AVEN: variants seen among roughly 807,000 people sequenced by gnomAD.
AVEN encodes apoptosis and caspase activation inhibitor, also known as cell death regulator Aven.
In AVEN, 41 loss-of-function variants were observed where a neutral mutation model predicts 38.1. The observed-to-expected ratio is 1.08, with a 90% CI of 0.84 to 1.40. The LOEUF is 1.40. Among genes scored for constraint, AVEN ranks in the 40% most tolerant of loss-of-function variants. The pLI, the probability that AVEN is intolerant of heterozygous loss-of-function variation, is 0.00. For missense variants in AVEN, 605 were observed against 438.8 expected (o/e 1.38, Z -3.38); for synonymous variants, 206 against 171.8 (o/e 1.20, Z -1.56).
chr15:34,068,812 A>ACTT (rs750452283), intron 2 of AVEN, among the ~76,000 whole-genome samples: 1 of 24,726 alleles, frequency 4.0e-5, no homozygotes, highest in Non-Finnish European at 7.6e-5. Context: ...CCTACAATCC[A>ACTT]ATTTTTTTTT....
chr15:34,061,932 C>A (rs912545312), intron 5 of AVEN, among the ~76,000 whole-genome samples: 26 of 152,160 alleles, frequency 1.7e-4, no homozygotes, highest in Non-Finnish European at 3.7e-4. Context: ...CAGTGCATGA[C>A]GATTTAGGTA....
intron 11 of AVEN, among the ~76,000 whole-genome samples, chr15:33,860,895 G>C (rs551706492): frequency 6.6e-6 from 1 of 151,964 alleles, no homozygotes; most frequent in Admixed American, 6.6e-5. Flanking sequence ...CAGGAGCTAA[G>C]TGTATGGCAC....
At chr15:34,032,023 G>A (rs72718685) in intron 1 of AVEN, among the ~76,000 whole-genome samples, 256 of 149,020 alleles carry the variant, frequency 1.7e-3, no homozygotes, top group African/African-American at 5.5e-3. Context: ...GCGCGCACAC[G>A]CACACACACA....
chr15:33,918,934 T>TTC (rs1893278712), intron 2 of AVEN, among the ~76,000 whole-genome samples: 1 of 151,248 alleles, frequency 6.6e-6, no homozygotes, highest in Non-Finnish European at 1.5e-5. Context: ...GTTTTTTTTT[T>TTC]TTTTGAAATG....
intron 2 of AVEN, among the ~76,000 whole-genome samples, chr15:33,918,626 G>C (rs565712840): frequency 2.8e-4 from 42 of 151,610 alleles, no homozygotes; most frequent in African/African-American, 1.0e-3. Context: ...CTAATTTTTT[G>C]TATTTTTAGC....
chr15:33,945,506 C>T (rs906229981), intron 2 of AVEN, among the ~76,000 whole-genome samples: 1 of 152,202 alleles, frequency 6.6e-6, no homozygotes. Flanking sequence ...TAATGGTTCA[C>T]AGAGCCTTCA....
intron 2 of AVEN, among the ~76,000 whole-genome samples, chr15:33,926,655 C>T (rs966503356): frequency 9.2e-5 from 14 of 152,156 alleles, no homozygotes; most frequent in African/African-American, 3.4e-4. Context: ...TACAAAAAAA[C>T]TTAGAAATTA....
chr15:34,039,052 C>T lies in AVEN; in HGVS notation c.-6G>A. 3 of 1,102,822 alleles carry T rather than the reference C, an allele frequency of 2.7e-6. No homozygotes were observed. The highest frequency in any genetic ancestry group is 5.7e-5 in the East Asian group (1 of 17,474). 68.3% of individuals were successfully genotyped at this position (1,102,822 alleles called of 1,614,324 possible). On this transcript the variant is annotated 5_prime_UTR_variant, in exon 1 of 6. Coordinates refer to ENST00000306730, the MANE Select transcript of AVEN (RefSeq NM_020371.3). ...GCTCCTCGCTCCGCCTGCATCTGGCCGCCGCTGGCGGTGCTGAGCGCGCGG... is the reference window on the plus strand; with the variant it reads ...GCTCCTCGCTCCGCCTGCATCTGGCTGCCGCTGGCGGTGCTGAGCGCGCGG...
intron 2 of AVEN, among the ~76,000 whole-genome samples, chr15:33,915,282 C>G (rs561795260): frequency 7.9e-5 from 12 of 152,116 alleles, no homozygotes; most frequent in African/African-American, 2.4e-4. Context: ...TCCACAGACT[C>G]TTTGAAGGAA....
At chr15:33,947,809 G>C (rs1453795169) in intron 2 of AVEN, among the ~76,000 whole-genome samples, 1 of 152,088 alleles carries the variant, frequency 6.6e-6, no homozygotes, top group Non-Finnish European at 1.5e-5. Flanking sequence ...CAATTTAACT[G>C]AGTGGTATCA....
chr15:34,038,566 G>C (rs1899269658), intron 1 of AVEN, among the ~76,000 whole-genome samples: 1 of 151,548 alleles, frequency 6.6e-6, no homozygotes, highest in African/African-American at 2.4e-5. Flanking sequence ...GCGCCAGCCC[G>C]GCCAGGAGGC....
chr15:33,975,049 C>T (rs893171955), intron 2 of AVEN, among the ~76,000 whole-genome samples: 1 of 152,118 alleles, frequency 6.6e-6, no homozygotes, highest in Non-Finnish European at 1.5e-5. Flanking sequence ...TTTCAAACAC[C>T]ATCTTAGATA....
chr15:33,866,732 G>C lies in AVEN; in HGVS notation c.974-4C>G. 6.2e-7 allele frequency: 1 copy of C among 1,604,332 alleles called. No individual in the cohort carries two copies. The highest frequency in any genetic ancestry group is 2.2e-5 in the East Asian group (1 of 44,840). The stretch of plus-strand genomic sequence containing the variant: ...GTCACAGATGGTTTTGCACAAACTG[G>C]GGGAAAAAAAACAATGTTAACACCC... On this transcript the variant is annotated splice_region_variant and splice_polypyrimidine_tract_variant and intron_variant, in intron 5 of 5. Coordinates refer to ENST00000306730, the MANE Select transcript of AVEN (RefSeq NM_020371.3).
At chr15:34,028,220 G>T (rs1271325155) in intron 1 of AVEN, among the ~76,000 whole-genome samples, 1 of 152,104 alleles carries the variant, frequency 6.6e-6, no homozygotes, top group Non-Finnish European at 1.5e-5. Context: ...ATACACATAT[G>T]TTCATGTGTA....
At chr15:33,951,563 A>T (rs76223699) in intron 2 of AVEN, among the ~76,000 whole-genome samples, 1 of 128,326 alleles carries the variant, frequency 7.8e-6, no homozygotes. Context: ...AAGTATAATA[A>T]AAAAAAAAAA....
intron 2 of AVEN, among the ~76,000 whole-genome samples, chr15:33,968,326 C>G (rs138563244): frequency 6.6e-6 from 1 of 152,072 alleles, no homozygotes; most frequent in Non-Finnish European, 1.5e-5. Context: ...CAATGACAAG[C>G]TGTTCAAACA....
intron 5 of AVEN, among the ~76,000 whole-genome samples, chr15:33,867,088 C>CAGAAATCAGAATGTGGTGTTCTTTT (rs1890612535): frequency 6.6e-6 from 1 of 152,146 alleles, no homozygotes; most frequent in South Asian, 2.1e-4. Context: ...ACAGGACATG[C>CAGAAATCAGAATGTGGTGTTCTTTT]AGAAATCAGA....
At chr15:34,001,659 G>A (rs1897142936) in intron 2 of AVEN, among the ~76,000 whole-genome samples, 1 of 152,120 alleles carries the variant, frequency 6.6e-6, no homozygotes, top group African/African-American at 2.4e-5. Context: ...TCAATGAGTT[G>A]AGAGCAATCC....
At chr15:33,928,087 C>T (rs1032773488) in intron 2 of AVEN, among the ~76,000 whole-genome samples, 3 of 152,166 alleles carry the variant, frequency 2.0e-5, no homozygotes, top group African/African-American at 4.8e-5. Flanking sequence ...CCAACCACCA[C>T]GTGGGTAAAA....
Sources: gnomAD v4.1 joint callset for allele counts (sites outside exome capture counted in the v4.1 genomes callset) on GRCh38, gnomAD v4.1.1 for gene constraint, MANE v1.5 for transcripts, NCBI Gene and HGNC (gene_info 2026-07-23, HGNC 2026-07-21) for gene names.